Variants in SHTN1 observed in about 807,000 individuals in gnomAD.
SHTN1 encodes shootin-1.
A neutral mutation model predicts 83.1 loss-of-function variants in SHTN1; 42 were observed. That is an observed-to-expected ratio of 0.51 (90% confidence interval 0.39 to 0.65). The LOEUF is 0.65. SHTN1 is among the 30% of genes least tolerant of loss of function. The pLI is 0.00. For missense variants in SHTN1, 622 were observed against 737.8 expected, an observed-to-expected ratio of 0.84 and a Z score of 1.82; for synonymous variants, 224 against 247.7, an observed-to-expected ratio of 0.90 and a Z score of 0.90.
chr10:117,076,045 T>C (rs1340343284), intron 1 of SHTN1, among the ~76,000 whole-genome samples: 1 of 151,872 alleles, frequency 6.6e-6, no homozygotes, highest in Non-Finnish European at 1.5e-5. Flanking sequence ...TAGCTAGGCG[T>C]GGTGGTGCAT....
At chr10:116,943,976 C>A in intron 8 of SHTN1, among the ~76,000 whole-genome samples, 1 of 152,128 alleles carries the variant, frequency 6.6e-6, no homozygotes, top group Non-Finnish European at 1.5e-5. Flanking sequence ...ACAGGTAAGC[C>A]GGAACAAGAG....
intron 1 of SHTN1, among the ~76,000 whole-genome samples, chr10:117,055,458 C>T (rs1852814321): frequency 6.6e-6 from 1 of 152,192 alleles, no homozygotes; most frequent in Non-Finnish European, 1.5e-5. Flanking sequence ...ATAGAGAGTG[C>T]CTGGTTAATG....
At chr10:117,031,226 AG>A (rs1471396141) in intron 2 of SHTN1, among the ~76,000 whole-genome samples, 1 of 152,226 alleles carries the variant, frequency 6.6e-6, no homozygotes, top group Non-Finnish European at 1.5e-5. Flanking sequence ...GAAGAAAAAA[AG>A]TTTTACCTGA....
chr10:117,107,072 C>T (rs1173351853), intron 1 of SHTN1, among the ~76,000 whole-genome samples: 1 of 152,116 alleles, frequency 6.6e-6, no homozygotes, highest in African/African-American at 2.4e-5. Context: ...CTTATATTCC[C>T]AGCTTTGACT....
intron 2 of SHTN1, among the ~76,000 whole-genome samples, chr10:117,030,534 A>G (rs1039450404): frequency 2.0e-5 from 3 of 152,162 alleles, no homozygotes; most frequent in African/African-American, 4.8e-5. Context: ...CCAATTCTAG[A>G]AAAACAGATA....
chr10:117,090,442 G>A (rs1483205461), intron 1 of SHTN1, among the ~76,000 whole-genome samples: 2 of 152,160 alleles, frequency 1.3e-5, no homozygotes, highest in Non-Finnish European at 2.9e-5. Flanking sequence ...CAGGTACAGA[G>A]CTTCAGTTTT....
Position 116,911,820 on chromosome 10 carries a change from T to G in SHTN1, c.1329A>C (p.Glu443Asp), listed in dbSNP as rs1349621322. Residue 443 changes from glutamate to aspartate, a missense_variant, in exon 14 of 17, where the codon GAA (glutamate) becomes GAC (aspartate). Glu to Asp is a conservative substitution (Grantham distance 45, BLOSUM62 2). Coordinates refer to ENST00000355371, the MANE Select transcript of SHTN1 (RefSeq NM_001127211.3). ...TTCCTTTTAGTTCATCCACTGCACT[T>G]TCGCAGCCTTTCGAAGATTCTGGCT... ...KTKPESSKGC[E>D]SAVDELKGIL... 1.9e-6 allele frequency: 3 copies of G among 1,612,808 alleles called. No homozygotes were observed. The African/African-American group carries it at 4.0e-5, about 22-fold the overall frequency.
intron 16 of SHTN1, 90 bp from the exon 17 acceptor site, chr10:116,886,656 C>A: frequency 6.5e-7 from 1 of 1,542,426 alleles, no homozygotes; most frequent in Non-Finnish European, 8.8e-7. Flanking sequence ...AACATAAAAC[C>A]CAAAATGTTC....
At chr10:117,016,032 C>T (rs1471850636) in intron 2 of SHTN1, among the ~76,000 whole-genome samples, 1 of 152,192 alleles carries the variant, frequency 6.6e-6, no homozygotes, top group African/African-American at 2.4e-5. Flanking sequence ...CATTTTTGAA[C>T]CACACATTTA....
chr10:116,916,649 C>G (rs1260825257), intron 12 of SHTN1, among the ~76,000 whole-genome samples: 2 of 152,156 alleles, frequency 1.3e-5, no homozygotes, highest in Non-Finnish European at 2.9e-5. Flanking sequence ...AATAAGGAGG[C>G]CTAGATTATG....
chr10:116,959,817 A>G (rs1351173534), intron 4 of SHTN1, among the ~76,000 whole-genome samples: 1 of 152,214 alleles, frequency 6.6e-6, no homozygotes, highest in Non-Finnish European at 1.5e-5. Context: ...TAGCATTTTA[A>G]CCAAATGCAT....
At chr10:116,949,982 T>C (rs542631737) in intron 6 of SHTN1, among the ~76,000 whole-genome samples, 9 of 152,282 alleles carry the variant, frequency 5.9e-5, no homozygotes, top group East Asian at 1.9e-4. Context: ...CAAAATACTA[T>C]GTATTGTAGT....
At chr10:117,090,752 CAGAAGGAAGGAA>C (rs59218090) in intron 1 of SHTN1, among the ~76,000 whole-genome samples, 3,489 of 110,604 alleles carry the variant, frequency 0.032, 130 homozygotes, top group East Asian at 0.095. Context: ...TTTGTGAAAA[CAGAAGGAAGGAA>C]GGAAGGAAGG....
At chr10:116,956,595 T>C (rs1849987344) in intron 4 of SHTN1, among the ~76,000 whole-genome samples, 1 of 152,230 alleles carries the variant, frequency 6.6e-6, no homozygotes. Context: ...AGTATTCATT[T>C]AGGCATTTTC....
At chr10:117,105,448 G>T (rs1853657459) in intron 1 of SHTN1, among the ~76,000 whole-genome samples, 1 of 152,160 alleles carries the variant, frequency 6.6e-6, no homozygotes, top group African/African-American at 2.4e-5. Flanking sequence ...ATTCTTATGT[G>T]TAAGATGAAA....
chr10:116,886,515 T>C lies in SHTN1; in HGVS notation c.1725A>G (p.Gln575=), dbSNP rs1219351263. Residue 575 remains glutamine (Q), a synonymous_variant, in exon 17 of 17, where the codon CAA becomes CAG. Transcript: ENST00000355371. The part of the protein sequence containing the change: ...CRKKYIDGEK[Q]AEPVVVLDPV... ...GATCTAAAACTACAACTGGTTCGGC[T>C]TGTTTTTCACCGTCAATGTATTTTT... 6.2e-7 allele frequency: 1 copy of C among 1,614,172 alleles called. No homozygotes were observed. The highest frequency in any genetic ancestry group is 8.5e-7 in the Non-Finnish European group (1 of 1,180,026).
intron 6 of SHTN1, among the ~76,000 whole-genome samples, chr10:116,951,361 G>A (rs574574083): frequency 2.6e-5 from 4 of 151,774 alleles, no homozygotes; most frequent in African/African-American, 7.3e-5. Flanking sequence ...AGGTTGAGGC[G>A]GCAGTGAGCT....
At chr10:117,056,576 G>A (rs183479276) in intron 1 of SHTN1, among the ~76,000 whole-genome samples, 55 of 152,246 alleles carry the variant, frequency 3.6e-4, no homozygotes, top group Admixed American at 4.6e-4. Context: ...TTGGGAGGCC[G>A]AGGCAGGTGG....
intron 1 of SHTN1, among the ~76,000 whole-genome samples, chr10:117,119,223 C>T (rs1853890990): frequency 6.6e-6 from 1 of 152,086 alleles, no homozygotes; most frequent in Non-Finnish European, 1.5e-5. Context: ...TGAGTACAAA[C>T]ATATGGTTTG....
Sources: allele counts gnomAD v4.1 joint callset (sites outside exome capture counted in the v4.1 genomes callset), GRCh38; gene constraint gnomAD v4.1.1; transcripts MANE v1.5; gene names NCBI Gene and HGNC (gene_info 2026-07-23, HGNC 2026-07-21).